Variants in TRPC4AP observed in about 807,000 individuals in gnomAD.
The protein encoded by TRPC4AP is short transient receptor potential channel 4-associated protein.
In TRPC4AP, 45 loss-of-function variants were observed where a neutral mutation model predicts 99.0. The ratio of observed to expected loss-of-function variants is 0.45; its 90% confidence interval spans 0.36 to 0.58. The LOEUF is 0.58. TRPC4AP is among the 20% of genes least tolerant of loss of function. TRPC4AP has a pLI of 0.00. For missense variants in TRPC4AP, 879 were observed against 985.3 expected, an observed-to-expected ratio of 0.89 and a Z score of 1.44; for synonymous variants, 408 against 385.8, an observed-to-expected ratio of 1.06 and a Z score of -0.67.
chr20:35,078,463 G>GC (rs2084544379), intron 1 of TRPC4AP, among the ~76,000 whole-genome samples: 1 of 152,076 alleles, frequency 6.6e-6, no homozygotes, highest in Non-Finnish European at 1.5e-5. Context: ...AAATTCTAGG[G>GC]CAACTGCTAA....
Position 35,072,943 on chromosome 20 carries a change from T to G in TRPC4AP, c.298-3531A>C, listed in dbSNP as rs187017830. ...TGGGATGTTCTTCCATTTGTTTGTGTCCTCTTTTATTTCATTGAGCAGTGG... is the reference window on the plus strand; with the variant it reads ...TGGGATGTTCTTCCATTTGTTTGTGGCCTCTTTTATTTCATTGAGCAGTGG... On this transcript the variant is annotated intron_variant, in intron 2 of 18. Coordinates refer to ENST00000252015, the MANE Select transcript of TRPC4AP (RefSeq NM_015638.3). 4.0e-3 allele frequency among the ~76,000 whole-genome samples: 607 copies of G among 152,366 alleles called. 31 individuals are homozygous for G. Among genetic ancestry groups the G allele is most frequent in the Admixed American group, 0.039 (596 of 15,302 alleles).
intron 12 of TRPC4AP, 124 bp downstream of exon 12, chr20:35,010,063 C>CA: frequency 1.4e-6 from 1 of 732,742 alleles, no homozygotes; most frequent in Non-Finnish European, 2.4e-6. Context: ...CAGGAGCCCT[C>CA]AGGACACTGT....
chr20:35,013,350 C>T (rs563630021), intron 10 of TRPC4AP, among the ~76,000 whole-genome samples: 114 of 152,238 alleles, frequency 7.5e-4, no homozygotes, highest in Admixed American at 2.7e-3. Context: ...GAGGCCGAGG[C>T]GGGCAGATCG....
chr20:35,070,694 G>C (rs762284993), intron 2 of TRPC4AP, among the ~76,000 whole-genome samples: 1 of 152,144 alleles, frequency 6.6e-6, no homozygotes, highest in South Asian at 2.1e-4. Flanking sequence ...CACTGCGCCC[G>C]GCCAAACCTA....
At chr20:35,006,007 C>T (rs1359143477) in intron 15 of TRPC4AP, among the ~76,000 whole-genome samples, 3 of 152,218 alleles carry the variant, frequency 2.0e-5, no homozygotes, top group Non-Finnish European at 2.9e-5. Flanking sequence ...AGCACAGATC[C>T]GACACTCTCT....
Position 35,044,718 on chromosome 20 carries a change from G to C in TRPC4AP, c.658-6C>G, listed in dbSNP as rs1306281292. On this transcript the variant is annotated splice_region_variant and splice_polypyrimidine_tract_variant and intron_variant, in intron 6 of 18. Transcript: ENST00000252015. ...TCATCTAGTCGGATCATTTCCTACA[G>C]AAGACAAAAATGAAACAATCCCCAT... The C allele has an allele frequency of 2.5e-6, 4 of 1,613,110 alleles. No homozygotes were observed. Among genetic ancestry groups the C allele is most frequent in the Non-Finnish European group, 1.7e-6 (2 of 1,179,360 alleles).
At chr20:35,079,091 A>G (rs940222616) in intron 1 of TRPC4AP, among the ~76,000 whole-genome samples, 9 of 152,194 alleles carry the variant, frequency 5.9e-5, no homozygotes, top group South Asian at 2.1e-4. Flanking sequence ...GGATGGAGAA[A>G]GATAAATCAC....
chr20:35,057,539 G>C lies in TRPC4AP; in HGVS notation c.447C>G (p.Ile149Met). ...LLVEILMRPT[I>M]SIRGQKLKIS... ...TTTTCAGTTTCTGTCCCCGGATAGA[G>C]ATCGTAGGCCTCATAAGAATTTCTA... Residue 149 changes from isoleucine (I) to methionine (M), a missense_variant, in exon 4 of 19, where the codon ATC (isoleucine) becomes ATG (methionine). Ile to Met is a conservative substitution (Grantham distance 10). Around this residue, in one of 3 missense-constraint regions of TRPC4AP, gnomAD observed 603 missense variants for 631.8 expected, o/e 0.95. Transcript: ENST00000252015. 6.2e-7 allele frequency: 1 copy of C among 1,612,618 alleles called. No individual in the cohort carries two copies. Among genetic ancestry groups the C allele is most frequent in the Non-Finnish European group, 8.5e-7 (1 of 1,179,074 alleles).
chr20:35,057,189 T>TA (rs2083854773), intron 4 of TRPC4AP, among the ~76,000 whole-genome samples: 1 of 151,690 alleles, frequency 6.6e-6, no homozygotes, highest in African/African-American at 2.4e-5. Context: ...AAAAATAGTT[T>TA]AAAAAAAATA....
chr20:35,011,245 A>G (rs867635905), intron 11 of TRPC4AP, among the ~76,000 whole-genome samples: 58 of 152,234 alleles, frequency 3.8e-4, no homozygotes, highest in African/African-American at 1.3e-3. Flanking sequence ...CAATAGAGCA[A>G]GATTCCGTCT....
At chr20:35,005,852 T>C in intron 15 of TRPC4AP, 49 bp from the exon 16 acceptor site, 2 of 1,565,378 alleles carry the variant, frequency 1.3e-6, no homozygotes, top group East Asian at 2.2e-5. Flanking sequence ...TGGCCAGGTA[T>C]GGCCATGGCC....
At chr20:35,025,941 A>AT (rs1366536590) in intron 8 of TRPC4AP, among the ~76,000 whole-genome samples, 1 of 152,026 alleles carries the variant, frequency 6.6e-6, no homozygotes, top group Admixed American at 6.6e-5. Context: ...GACCCTTTTA[A>AT]TTTTGTATAT....
At chr20:35,072,545 T>A (rs2084347347) in intron 2 of TRPC4AP, among the ~76,000 whole-genome samples, 1 of 152,220 alleles carries the variant, frequency 6.6e-6, no homozygotes, top group Non-Finnish European at 1.5e-5. Context: ...GGGAATCCTT[T>A]CCCCATTTCT....
intron 9 of TRPC4AP, among the ~76,000 whole-genome samples, chr20:35,016,907 G>A (rs2082767984): frequency 6.6e-6 from 1 of 152,240 alleles, no homozygotes; most frequent in Admixed American, 6.5e-5. Context: ...ATAAGACCGT[G>A]TTGGTGACTT....
chr20:35,028,087 T>C (rs1001527505), intron 8 of TRPC4AP, among the ~76,000 whole-genome samples: 5 of 152,366 alleles, frequency 3.3e-5, no homozygotes, highest in African/African-American at 1.2e-4. Context: ...GGTAGACGTT[T>C]AGGCAATTTA....
intron 1 of TRPC4AP, among the ~76,000 whole-genome samples, chr20:35,086,835 C>T (rs928928654): frequency 1.3e-5 from 2 of 151,550 alleles, no homozygotes; most frequent in Non-Finnish European, 2.9e-5. Context: ...GAGTTTGAGA[C>T]CAGCCTAGCC....
intron 8 of TRPC4AP, 90 bp downstream of exon 8, chr20:35,035,033 A>G: frequency 7.2e-7 from 1 of 1,395,896 alleles, no homozygotes; most frequent in Non-Finnish European, 9.8e-7. Context: ...AGCAAATCTC[A>G]AATTAATCCT....
intron 1 of TRPC4AP, among the ~76,000 whole-genome samples, chr20:35,088,319 C>T (rs966075108): frequency 1.3e-5 from 2 of 152,210 alleles, no homozygotes; most frequent in South Asian, 2.1e-4. Flanking sequence ...TAAGTAAATA[C>T]CAGAGCTAGG....
chr20:35,018,604 G>GAAAAAAAAAAAAAAAAAAAAAAAAAAAA (rs11479211), intron 9 of TRPC4AP, among the ~76,000 whole-genome samples: 2 of 88,950 alleles, frequency 2.2e-5, no homozygotes, highest in African/African-American at 4.2e-5. Context: ...CTCAAAAAAA[G>GAAAAAAAAAAAAAAAAAAAAAAAAAAAA]AAAAAAAAAA....
Sources: allele counts gnomAD v4.1 joint callset (sites outside exome capture counted in the v4.1 genomes callset), GRCh38; gene constraint gnomAD v4.1.1; regional missense constraint gnomAD v4.1.1; transcripts MANE v1.5; gene names NCBI Gene and HGNC (gene_info 2026-07-23, HGNC 2026-07-21).